SP140: variants seen among roughly 807,000 people sequenced by gnomAD.
SP140 encodes SP140 nuclear body protein, also known as nuclear body protein SP140.
A neutral mutation model predicts 125.0 loss-of-function variants in SP140; 81 were observed. The observed-to-expected ratio is 0.65, with a 90% confidence interval of 0.54 to 0.78. The LOEUF (loss-of-function observed/expected upper bound fraction) is 0.78. SP140 is among the 30% of genes least tolerant of loss of function. The probability of loss-of-function intolerance (pLI) is 0.00; values close to 1 mark genes in which losing one functional copy is unlikely to be tolerated. For synonymous variants in SP140, 312 were observed against 354.0 expected (o/e 0.88, Z 1.33); for missense variants, 858 against 1,037.0 (o/e 0.83, Z 2.37).
At chr2:230,221,564 G>A (rs987057607), upstream of SP140, 9 of 855,732 alleles carry the variant, frequency 1.1e-5, no homozygotes, top group Admixed American at 8.2e-5. Flanking sequence ...GGAAGCCACA[G>A]CCAGGAAAAA....
At chr2:230,316,390 A>G (rs1308512994), downstream of SP140, among the ~76,000 whole-genome samples, 1 of 152,172 alleles carries the variant, frequency 6.6e-6, no homozygotes, top group Non-Finnish European at 1.5e-5. Flanking sequence ...GGTTAGGAGA[A>G]TCACCATGGT....
At chr2:230,290,250 A>G (rs2056958753) in intron 18 of SP140, among the ~76,000 whole-genome samples, 1 of 152,280 alleles carries the variant, frequency 6.6e-6, no homozygotes, top group South Asian at 2.1e-4. Context: ...AAAGCATTCT[A>G]TTTTGTATGA....
chr2:230,189,112 TG>T, the SP140 span, among the ~76,000 whole-genome samples: 3 of 152,092 alleles, frequency 2.0e-5, no homozygotes, highest in Admixed American at 6.6e-5. Flanking sequence ...TTGGTTACTC[TG>T]GCTAATGTTC....
downstream of SP140, among the ~76,000 whole-genome samples, chr2:230,314,610 G>A (rs546331152): frequency 1.3e-5 from 2 of 152,344 alleles, no homozygotes; most frequent in East Asian, 3.9e-4. Flanking sequence ...TCAAGTGGAA[G>A]CAGAGATACC....
chr2:230,228,667 C>G (rs2046810608), intron 1 of SP140, among the ~76,000 whole-genome samples: 2 of 152,054 alleles, frequency 1.3e-5, no homozygotes, highest in African/African-American at 4.8e-5. Context: ...GACAATTTTC[C>G]TTGTTCTGAA....
intron 7 of SP140, among the ~76,000 whole-genome samples, 199 bp downstream of exon 7, chr2:230,246,139 A>G (rs954765965): frequency 6.6e-6 from 1 of 152,022 alleles, no homozygotes; most frequent in Admixed American, 6.6e-5. Context: ...CCATCCATCA[A>G]TCCATGCATC....
At chr2:230,232,181 G>T (rs1451728666) in intron 1 of SP140, among the ~76,000 whole-genome samples, 1 of 152,188 alleles carries the variant, frequency 6.6e-6, no homozygotes, top group Non-Finnish European at 1.5e-5. Flanking sequence ...GAAGGATAAA[G>T]AGATTTTTCT....
chr2:230,225,373 C>T (rs933713262), upstream of SP140, among the ~76,000 whole-genome samples: 1 of 152,196 alleles, frequency 6.6e-6, no homozygotes, highest in African/African-American at 2.4e-5. Context: ...TGTCCAAACA[C>T]TGGGCCTAAG....
chr2:230,308,712 A>G (rs988537741), intron 22 of SP140, among the ~76,000 whole-genome samples: 2 of 152,218 alleles, frequency 1.3e-5, no homozygotes, highest in Non-Finnish European at 2.9e-5. Flanking sequence ...GAAATCAGCT[A>G]TTCAAAAATA....
At chr2:230,212,212 C>T in intron 1 of SP140, 1 of 718,780 alleles carries the variant, frequency 1.4e-6, no homozygotes, top group South Asian at 1.5e-5. Context: ...GTGAATTGGC[C>T]CCTTCTGTTT....
At chr2:230,262,273 A>G (rs762624864) in intron 12 of SP140, among the ~76,000 whole-genome samples, 55 of 152,196 alleles carry the variant, frequency 3.6e-4, no homozygotes, top group Non-Finnish European at 4.9e-4. Context: ...GATCTTTTGT[A>G]TTTCACTGGT....
At chr2:230,270,531 C>G (rs914922803) in intron 14 of SP140, 55 bp from the exon 15 acceptor site, 1 of 1,495,666 alleles carries the variant, frequency 6.7e-7, no homozygotes, top group African/African-American at 1.4e-5. Context: ...GTCCTAAAAT[C>G]TATAACTTTT....
downstream of SP140, among the ~76,000 whole-genome samples, chr2:230,316,348 C>A (rs1326052227): frequency 1.3e-5 from 2 of 152,142 alleles, no homozygotes; most frequent in Non-Finnish European, 1.5e-5. Flanking sequence ...CCTCCTACCA[C>A]GAAGAAACTC....
the SP140 span, among the ~76,000 whole-genome samples, chr2:230,188,880 CTGTT>C: frequency 1.3e-5 from 2 of 151,998 alleles, no homozygotes; most frequent in South Asian, 2.1e-4. Context: ...TTCAATCTCA[CTGTT>C]TGTTATTGGT....
intron 15 of SP140, among the ~76,000 whole-genome samples, chr2:230,271,158 T>C (rs866103402): frequency 6.6e-6 from 1 of 152,316 alleles, no homozygotes; most frequent in Middle Eastern, 3.4e-3. Context: ...AAAATACATT[T>C]GTGTTGTTTT....
At chr2:230,259,430 C>T (rs141299321) in intron 12 of SP140, among the ~76,000 whole-genome samples, 2,085 of 151,956 alleles carry the variant, frequency 0.014, 48 homozygotes, top group African/African-American at 0.047. Context: ...GTAGTCCCAG[C>T]ACTTTGGGAG....
chr2:230,208,629 C>T (rs1351596834), intron 1 of SP140, among the ~76,000 whole-genome samples: 8 of 151,998 alleles, frequency 5.3e-5, no homozygotes. Context: ...GTGAGGGGGT[C>T]AGAGGTTTGA....
chr2:230,241,062 C>A (rs2048653605), intron 3 of SP140, among the ~76,000 whole-genome samples: 1 of 152,128 alleles, frequency 6.6e-6, no homozygotes, highest in African/African-American at 2.4e-5. Flanking sequence ...GTACATACTG[C>A]ATGATCCTAT....
chr2:230,265,541 C>T (rs1417114080), intron 12 of SP140, among the ~76,000 whole-genome samples: 1 of 152,200 alleles, frequency 6.6e-6, no homozygotes, highest in African/African-American at 2.4e-5. Context: ...TTACCCCCTG[C>T]TCCTCTCCCA....
Sources: allele counts gnomAD v4.1 joint callset (sites outside exome capture counted in the v4.1 genomes callset), GRCh38; gene constraint gnomAD v4.1.1; transcripts MANE v1.5; gene names NCBI Gene and HGNC (gene_info 2026-07-23, HGNC 2026-07-21).